The following EPS8 variants were observed in gnomAD, a reference collection of about 807,000 sequenced individuals.
EPS8 encodes the protein EGFR pathway substrate 8, signaling adaptor.
Under a neutral mutation model 103.8 loss-of-function variants are expected in EPS8, and 42 were observed. That is an observed-to-expected ratio of 0.40 (90% CI 0.32 to 0.52). The LOEUF is 0.52. EPS8 is among the 20% of genes least tolerant of loss of function. The pLI, the probability that EPS8 is intolerant of heterozygous loss-of-function variation, is 0.40. For missense variants in EPS8, 969 were observed against 1,005.1 expected, an observed-to-expected ratio of 0.96 and a Z score of 0.49; for synonymous variants, 344 against 344.6, an observed-to-expected ratio of 1.00 and a Z score of 0.02.
rs1368660389 is a variant in EPS8, at chr12:15,725,311, C to T, written c.-21-42339G>A. ...CCTGAAATCACCCTCAAGAGATCTC[C>T]GGAAAAGTCATGTAGCTGGTTGCAG... On this transcript the variant is annotated intron_variant, in intron 1 of 20. Transcript: ENST00000281172. This position sits in a 1 kb window ranked among gnomAD's most constrained non-coding sequence, Gnocchi z 4.5. Among the ~76,000 whole-genome samples, 5 of 151,732 alleles carry T rather than the reference C, an allele frequency of 3.3e-5. No individual in the cohort carries two copies. The highest frequency in any genetic ancestry group is 2.1e-4 in the South Asian group (1 of 4,822).
intron 1 of EPS8, among the ~76,000 whole-genome samples, chr12:15,775,867 T>G (rs1947202159): frequency 1.3e-5 from 2 of 152,188 alleles, no homozygotes; most frequent in South Asian, 4.1e-4. Flanking sequence ...TTAGGTAAAG[T>G]TGTATATTCC....
chr12:15,635,159 T>C (rs1293594739), intron 17 of EPS8, among the ~76,000 whole-genome samples: 3 of 152,206 alleles, frequency 2.0e-5, no homozygotes, highest in Non-Finnish European at 4.4e-5. Flanking sequence ...GCATGCATTA[T>C]CGTGTGATTG....
rs536637284 is a variant in EPS8 at position 15,647,353 on chromosome 12, A to G, written c.1435-93T>C. On this transcript the variant is annotated intron_variant, in intron 14 of 20. Transcript: ENST00000281172. ...AACAAGATCTCTCAACTATATTGTG[A>G]TAAGTTTTCATTTTCAAGTGACTGA... The G allele has an allele frequency of 1.1e-4, 122 of 1,107,652 alleles. No individual in the cohort carries two copies. The African/African-American group carries it at 1.4e-3, about 12-fold the overall frequency. The allele number at this position is 1,107,652 out of a possible 1,614,324, so 68.6% of individuals were successfully genotyped here. A position where few individuals can be genotyped will look rare whatever the true frequency, so the allele number is the denominator to read the frequency against.
intron 1 of EPS8, among the ~76,000 whole-genome samples, chr12:15,768,625 G>A (rs899575640): frequency 2.5e-4 from 38 of 151,840 alleles, no homozygotes; most frequent in African/African-American, 8.9e-4. Context: ...GGAGAAAATA[G>A]GAGCTTTTTC....
intron 1 of EPS8, among the ~76,000 whole-genome samples, chr12:15,689,105 CT>C (rs752143395): frequency 3.3e-5 from 5 of 151,966 alleles, no homozygotes; most frequent in Non-Finnish European, 7.4e-5. Context: ...AGAAGCAGAA[CT>C]CAAACTCTGA....
Position 15,669,770 on chromosome 12 carries a change from C to T in EPS8, c.260G>A (p.Gly87Glu). The change falls in exon 5 of 21, where the codon GGA (glycine) becomes GAA (glutamate). Residue 87 changes from glycine (G) to glutamate (E), a missense_variant. Transcript: ENST00000281172. ...RKDAMITVDD[G>E]IRKLKLLDAK... ...ATCAAGCAATTTCAATTTCCTTATTCCATCATCAACAGTGATCATAGCATC... is the reference window on the plus strand; with the variant it reads ...ATCAAGCAATTTCAATTTCCTTATTTCATCATCAACAGTGATCATAGCATC... 1.9e-6 allele frequency: 3 copies of T among 1,613,598 alleles called. No homozygotes were observed. The highest frequency in any genetic ancestry group is 2.5e-6 in the Non-Finnish European group (3 of 1,179,798).
At position 15,714,755 on chromosome 12, in the gene EPS8, C is replaced by CA. The variant is rs1240188561; in HGVS notation, c.-21-31784dup. ...AAATACATTCTCTGTATAGTGCACT[C>CA]AGAGTTTTCATCAGGTTTCTATAAC... On this transcript the variant is annotated intron_variant, in intron 1 of 20. Transcript: ENST00000281172. This position sits in a 1 kb window ranked among gnomAD's most constrained non-coding sequence, Gnocchi z 4.1. Among the ~76,000 whole-genome samples the CA allele has an allele frequency of 6.6e-6, 1 of 152,124 alleles. No homozygotes were observed. The highest frequency in any genetic ancestry group is 2.4e-5 in the African/African-American group (1 of 41,412).
chr12:15,669,501 C>G lies in EPS8; in HGVS notation c.402G>C (p.Gln134His). 6.2e-7 allele frequency: 1 copy of G among 1,609,664 alleles called. No homozygotes were observed. The highest frequency in any genetic ancestry group is 8.5e-7 in the Non-Finnish European group (1 of 1,178,534). Residue 134 changes from glutamine (Q) to histidine (H), a missense_variant, in exon 6 of 21, where the codon CAG (glutamine) becomes CAC (histidine). Coordinates refer to ENST00000281172, the MANE Select transcript of EPS8 (RefSeq NM_004447.6). ...ATGAATGCATCACAGCTTGGCAGTG[C>G]TGGATTGTGTTTAAAGGAAAATTCT... ...ELENFPLNTIQHCQAVMHSCS... is the reference protein window; with the variant it reads ...ELENFPLNTIHHCQAVMHSCS...
At chr12:15,743,364 T>C (rs980120760) in intron 1 of EPS8, among the ~76,000 whole-genome samples, 2 of 152,128 alleles carry the variant, frequency 1.3e-5, no homozygotes, top group African/African-American at 4.8e-5. Flanking sequence ...TTCAATGCCA[T>C]CCCCATCAAA....
At position 15,725,132 on chromosome 12, in the gene EPS8, C is replaced by A. The variant is rs1408839603; in HGVS notation, c.-21-42160G>T. On this transcript the variant is annotated intron_variant, in intron 1 of 20. Transcript: ENST00000281172. The surrounding 1 kb of genome is among the most constrained non-coding windows in gnomAD (Gnocchi z 4.5). ...TGTCATTCTGCATTCCAATAGGATA[C>A]CACCAGTCCACAGATCTGTGTCAAT... Among the ~76,000 whole-genome samples the A allele has an allele frequency of 6.6e-6, 1 of 151,988 alleles. No individual in the cohort carries two copies. Among genetic ancestry groups the A allele is most frequent in the African/African-American group, 2.4e-5 (1 of 41,368 alleles).
In EPS8 at chr12:15,650,803, A is replaced by C; in HGVS notation, c.1434+20T>G. 6.3e-7 allele frequency: 1 copy of C among 1,591,744 alleles called. No individual in the cohort carries two copies. The highest frequency in any genetic ancestry group is 1.1e-5 in the South Asian group (1 of 89,750). On this transcript the variant is annotated intron_variant, in intron 14 of 20. Coordinates refer to ENST00000281172, the MANE Select transcript of EPS8 (RefSeq NM_004447.6). ...GATAATTACACTGTCTACAGAGGGC[A>C]ATGTTAAAAAAAAAACTACCTCTGT...
intron 1 of EPS8, among the ~76,000 whole-genome samples, chr12:15,758,814 T>C (rs952791897): frequency 5.9e-5 from 9 of 152,222 alleles, no homozygotes; most frequent in African/African-American, 2.2e-4. Flanking sequence ...TTAGGAGATA[T>C]ATAATCAGTG....
chr12:15,669,673 T>A lies in EPS8; in HGVS notation c.357A>T (p.Leu119Phe), dbSNP rs778870268. The A allele has an allele frequency of 1.9e-6, 3 of 1,598,290 alleles. No homozygotes were observed. In the East Asian group the frequency reaches 6.7e-5, roughly 36 times the overall value. Residue 119 changes from leucine to phenylalanine, a missense_variant, in exon 5 of 21, where the codon TTA (leucine) becomes TTT (phenylalanine). Transcript: ENST00000281172. ...AATTTTACACACTTGCCTTTGATTC[T>A]AAATCAATCAGGCTCACAGCTCTGT... ...VDDRAVSLID[L>F]ESKNELENFP...
In EPS8 at chr12:15,776,029, C is replaced by T. The variant is rs1004049647; in HGVS notation, c.-22+13132G>A. On this transcript the variant is annotated intron_variant, in intron 1 of 20. Transcript: ENST00000281172. This position sits in a 1 kb window ranked among gnomAD's most constrained non-coding sequence, Gnocchi z 4.2. Reference sequence around the variant, plus strand: ...CAAACCAGATCTGACACCACTACAACAAACAAAACTCACCTTCACATACAA... The same window carrying T: ...CAAACCAGATCTGACACCACTACAATAAACAAAACTCACCTTCACATACAA... 1.3e-5 allele frequency among the ~76,000 whole-genome samples: 2 copies of T among 152,242 alleles called. No individual in the cohort carries two copies. The highest frequency in any genetic ancestry group is 2.9e-5 in the Non-Finnish European group (2 of 67,990).
Position 15,631,425 on chromosome 12 carries a change from C to T in EPS8, c.2044+17G>A, listed in dbSNP as rs1477062873. The T allele has an allele frequency of 1.2e-6, 2 of 1,608,900 alleles. No homozygotes were observed. Among genetic ancestry groups the T allele is most frequent in the East Asian group, 2.2e-5 (1 of 44,854 alleles). On this transcript the variant is annotated intron_variant, in intron 18 of 20. Transcript: ENST00000281172. ...TTAATTTGCAGAAGACATTTTTTGC[C>T]TCCCTGGGAAACTTACGGTCCACCG...
chr12:15,637,466 C>T (rs1945155892), intron 17 of EPS8, among the ~76,000 whole-genome samples: 1 of 152,202 alleles, frequency 6.6e-6, no homozygotes, highest in Non-Finnish European at 1.5e-5. Flanking sequence ...ACCTTAGTTT[C>T]CTACAAAAAA....
chr12:15,626,427 G>A (rs1380231237), intron 18 of EPS8, among the ~76,000 whole-genome samples: 3 of 151,768 alleles, frequency 2.0e-5, no homozygotes, highest in Non-Finnish European at 2.9e-5. Context: ...TCAAGAAATC[G>A]AGACCATCCT....
rs1369890689 is a variant in EPS8, at chr12:15,779,073, G to T, written c.-22+10088C>A. On this transcript the variant is annotated intron_variant, in intron 1 of 20. Transcript: ENST00000281172. The surrounding 1 kb of genome is among the most constrained non-coding windows in gnomAD (Gnocchi z 4.3). Reference sequence around the variant, plus strand: ...GCTCACCACAACCTCCTGCCTCCCGGGTTCAAGCAATTCTCCTGCCTCAGC... The same window carrying T: ...GCTCACCACAACCTCCTGCCTCCCGTGTTCAAGCAATTCTCCTGCCTCAGC... Among the ~76,000 whole-genome samples, 1 of 152,090 alleles carries T rather than the reference G, an allele frequency of 6.6e-6. No homozygotes were observed. Among genetic ancestry groups the T allele is most frequent in the Non-Finnish European group, 1.5e-5 (1 of 68,026 alleles).
At position 15,757,213 on chromosome 12, in the gene EPS8, C is replaced by G. The variant is rs545020780; in HGVS notation, c.-22+31948G>C. 1.3e-5 allele frequency among the ~76,000 whole-genome samples: 2 copies of G among 152,240 alleles called. No homozygotes were observed. Among genetic ancestry groups the G allele is most frequent in the East Asian group, 3.9e-4 (2 of 5,186 alleles). On this transcript the variant is annotated intron_variant, in intron 1 of 20. Transcript: ENST00000281172. This position sits in a 1 kb window ranked among gnomAD's most constrained non-coding sequence, Gnocchi z 4.1. Reference sequence around the variant, plus strand: ...TAAAATTGTTACCATTTTAAATACCCTCAAAACAGTGGTGTAGAGTGAAAT... The same window carrying G: ...TAAAATTGTTACCATTTTAAATACCGTCAAAACAGTGGTGTAGAGTGAAAT...
Sources: gnomAD v4.1 joint callset for allele counts (sites outside exome capture counted in the v4.1 genomes callset) on GRCh38, gnomAD v4.1.1 for gene constraint, Gnocchi (gnomAD v3.1) non-coding constraint, MANE v1.5 for transcripts, NCBI Gene and HGNC (gene_info 2026-07-23, HGNC 2026-07-21) for gene names.